Variants in DFFA observed in about 807,000 individuals in gnomAD.
DFFA encodes DFF45.
A neutral mutation model predicts 28.0 loss-of-function variants in DFFA; 14 were observed. That is an observed-to-expected ratio of 0.50 (90% CI 0.33 to 0.78). The LOEUF (loss-of-function observed/expected upper bound fraction) is 0.78. Ranked by LOEUF, DFFA falls within the 30% of genes least tolerant of loss-of-function variation. The pLI is 0.02. For missense variants in DFFA, 395 were observed against 407.1 expected, an observed-to-expected ratio of 0.97 and a Z score of 0.26; for synonymous variants, 158 against 170.3, an observed-to-expected ratio of 0.93 and a Z score of 0.56.
chr1:10,468,741 AT>A (rs112127951), intron 2 of DFFA, among the ~76,000 whole-genome samples: 261 of 137,702 alleles, frequency 1.9e-3, no homozygotes, highest in South Asian at 2.5e-3. Context: ...TCATTCATCT[AT>A]TTTTTTTTTT....
Position 10,461,322 on chromosome 1 carries a change from T to A in DFFA, c.*168A>T. ...GCAGAAGTCCTGAAGCTGGTGGGGCTAAAAAAAAAATTGGTGGAACGGCGT... is the reference window on the plus strand; with the variant it reads ...GCAGAAGTCCTGAAGCTGGTGGGGCAAAAAAAAAAATTGGTGGAACGGCGT... On this transcript the variant is annotated 3_prime_UTR_variant, in exon 6 of 6. Transcript: ENST00000377038. 1 of 1,022,064 alleles carries A rather than the reference T, an allele frequency of 9.8e-7. No homozygotes were observed. The highest frequency in any genetic ancestry group is 1.3e-6 in the Non-Finnish European group (1 of 757,954). 63.3% of individuals were successfully genotyped at this position (1,022,064 alleles called of 1,614,324 possible).
At chr1:10,462,965 G>A (rs1238802447) in intron 5 of DFFA, 93 bp downstream of exon 5, 5 of 1,576,108 alleles carry the variant, frequency 3.2e-6, no homozygotes, top group Middle Eastern at 1.7e-4. Context: ...AGTCTGCAGA[G>A]GTGAACAAAA....
At position 10,459,455 on chromosome 1, in the gene DFFA, G is replaced by T. The variant is rs960581706; in HGVS notation, c.*2035C>A. 1 of 152,124 alleles carries T rather than the reference G, an allele frequency of 6.6e-6. No homozygotes were observed. The highest frequency in any genetic ancestry group is 1.5e-5 in the Non-Finnish European group (1 of 68,012). 9.4% of individuals were successfully genotyped at this position (152,124 alleles called of 1,614,324 possible). On this transcript the variant is annotated 3_prime_UTR_variant, in exon 6 of 6. Transcript: ENST00000377038. ...CAATTAGAAAACTGAAGAGTTTCAC[G>T]GTGGTGAGATAGAATTTCACAATAC...
At chr1:10,464,432 G>A (rs1570104941) in intron 3 of DFFA, among the ~76,000 whole-genome samples, 1 of 152,190 alleles carries the variant, frequency 6.6e-6, no homozygotes, top group East Asian at 1.9e-4. Flanking sequence ...TTGGGAAGAA[G>A]GGTCGGGTGT....
chr1:10,462,678 T>A, intron 5 of DFFA: 1 of 1,035,304 alleles, frequency 9.7e-7, no homozygotes, highest in Non-Finnish European at 1.2e-6. Context: ...CAGGCGACGA[T>A]CCCCTCAAGT....
Position 10,472,145 on chromosome 1 carries a change from T to G in DFFA, c.136+178A>C, listed in dbSNP as rs1641106868. The stretch of plus-strand genomic sequence containing the variant: ...CCGTGGAGTCTCACACGAGATTAAT[T>G]ACGCTCAAGCGCCTTAAATCTGTAA... On this transcript the variant is annotated intron_variant, in intron 1 of 5. Transcript: ENST00000377038. This position sits in a 1 kb window ranked among gnomAD's most constrained non-coding sequence, Gnocchi z 5.0. 1 of 685,128 alleles carries G rather than the reference T, an allele frequency of 1.5e-6. No homozygotes were observed. The highest frequency in any genetic ancestry group is 1.9e-5 in the African/African-American group (1 of 53,290). 42.4% of individuals were successfully genotyped at this position (685,128 alleles called of 1,614,324 possible). A position where few individuals can be genotyped will look rare whatever the true frequency, so the allele number is the denominator to read the frequency against.
intron 5 of DFFA, chr1:10,462,359 T>C: frequency 1.1e-6 from 1 of 897,264 alleles, no homozygotes; most frequent in Non-Finnish European, 1.3e-6. Context: ...CTCGAACTCC[T>C]GACCTCAGGT....
chr1:10,469,031 T>G (rs2124347636), intron 2 of DFFA, 146 bp downstream of exon 2: 1 of 840,504 alleles, frequency 1.2e-6, no homozygotes, highest in East Asian at 2.7e-5. Context: ...CTCAGCACCA[T>G]GTCTGGCACA....
At chr1:10,467,362 G>C in intron 2 of DFFA, 30 bp from the exon 3 acceptor site, 1 of 1,613,784 alleles carries the variant, frequency 6.2e-7, no homozygotes, top group Non-Finnish European at 8.5e-7. Flanking sequence ...GCCAGTCACA[G>C]AACAACCTGA....
intron 5 of DFFA, chr1:10,462,432 C>A (rs150617947): frequency 4.1e-6 from 4 of 987,628 alleles, no homozygotes; most frequent in African/African-American, 3.5e-5. Flanking sequence ...TGTGCCCGGA[C>A]AAGCATGGGC....
chr1:10,461,620 C>T lies in DFFA; in HGVS notation c.866G>A (p.Cys289Tyr). Residue 289 changes from cysteine to tyrosine, a missense_variant, in exon 6 of 6, where the codon TGT becomes TAT. Transcript: ENST00000377038. ...CAGGCGCAGGGCGAGCTCCCGCTCA[C>T]AGGCCTCCTGAACAGTCTCCGTCTT... Reference protein sequence around the residue: ...IKKTETVQEACERELALRLQQ... With the variant: ...IKKTETVQEAYERELALRLQQ... 1 of 1,614,272 alleles carries T rather than the reference C, an allele frequency of 6.2e-7. No homozygotes were observed. The highest frequency in any genetic ancestry group is 1.3e-5 in the African/African-American group (1 of 75,080).
At position 10,472,088 on chromosome 1, in the gene DFFA, T is replaced by C. The variant is rs550157790; in HGVS notation, c.136+235A>G. On this transcript the variant is annotated intron_variant, in intron 1 of 5. Coordinates refer to ENST00000377038, the MANE Select transcript of DFFA (RefSeq NM_004401.3). This position sits in a 1 kb window ranked among gnomAD's most constrained non-coding sequence, Gnocchi z 5.0. ...AGACCTAAGCCGAGTCTGGCTTAAT[T>C]TGCACATTGCTTCCTGGCTGTCTTC... Among the ~76,000 whole-genome samples the C allele has an allele frequency of 4.6e-4, 70 of 152,248 alleles. 1 individual carries two copies. The highest frequency in any genetic ancestry group is 6.8e-3 in the Middle Eastern group (2 of 294).
chr1:10,459,349 G>A lies in DFFA; in HGVS notation c.*2141C>T, dbSNP rs1462171286. 6.6e-6 allele frequency: 1 copy of A among 152,114 alleles called. No individual in the cohort carries two copies. The highest frequency in any genetic ancestry group is 2.1e-4 in the South Asian group (1 of 4,826). 9.4% of individuals were successfully genotyped at this position (152,114 alleles called of 1,614,324 possible). On this transcript the variant is annotated 3_prime_UTR_variant, in exon 6 of 6. Coordinates refer to ENST00000377038, the MANE Select transcript of DFFA (RefSeq NM_004401.3). ...GACAGGAGGAGGACAAACCAGGCTT[G>A]CTCTGCTTCACACCCAGAGACCTGG...
At chr1:10,462,354 A>G (rs1640959742) in intron 5 of DFFA, 1 of 855,180 alleles carries the variant, frequency 1.2e-6, no homozygotes, top group African/African-American at 1.8e-5. Flanking sequence ...CTGGTCTCGA[A>G]CTCCTGACCT....
At chr1:10,463,851 G>C (rs1640985702) in intron 3 of DFFA, among the ~76,000 whole-genome samples, 1 of 151,940 alleles carries the variant, frequency 6.6e-6, no homozygotes. Flanking sequence ...TTTTAGTAGA[G>C]ACGGGGTTTT....
At chr1:10,462,574 G>A in intron 5 of DFFA, 3 of 996,416 alleles carry the variant, frequency 3.0e-6, no homozygotes, top group Non-Finnish European at 3.6e-6. Context: ...CAATAGGGAG[G>A]TACTTATGAC....
chr1:10,466,379 T>C (rs1402695525), intron 3 of DFFA, among the ~76,000 whole-genome samples: 5 of 151,552 alleles, frequency 3.3e-5, no homozygotes, highest in Non-Finnish European at 7.4e-5. Context: ...TTAGTAGAGA[T>C]GGGGTTTTAC....
chr1:10,467,348 A>C lies in DFFA; in HGVS notation c.299-16T>G. 6.2e-7 allele frequency: 1 copy of C among 1,614,062 alleles called. No individual in the cohort carries two copies. The highest frequency in any genetic ancestry group is 1.1e-5 in the South Asian group (1 of 91,084). On this transcript the variant is annotated splice_polypyrimidine_tract_variant and intron_variant, in intron 2 of 5. Transcript: ENST00000377038. ...GTACCTCCATCTGACACATGGGAGAAAATGCCAGTCACAGAACAACCTGAA... is the reference window on the plus strand; with the variant it reads ...GTACCTCCATCTGACACATGGGAGACAATGCCAGTCACAGAACAACCTGAA...
intron 2 of DFFA, among the ~76,000 whole-genome samples, chr1:10,467,974 G>C (rs559288461): frequency 3.6e-4 from 55 of 152,228 alleles, no homozygotes; most frequent in Non-Finnish European, 7.5e-4. Flanking sequence ...ACGGTCATTT[G>C]TGCCAGCATT....
Sources: gnomAD v4.1 joint callset for allele counts (sites outside exome capture counted in the v4.1 genomes callset) on GRCh38, gnomAD v4.1.1 for gene constraint, Gnocchi (gnomAD v3.1) non-coding constraint, MANE v1.5 for transcripts, NCBI Gene and HGNC (gene_info 2026-07-23, HGNC 2026-07-21) for gene names.